Variants in ATM observed in about 807,000 individuals in gnomAD.
ATM encodes the protein ATM serine/threonine kinase.
Under a neutral mutation model 387.0 loss-of-function variants are expected in ATM, and 308 were observed. That is an observed-to-expected ratio of 0.80 (90% CI 0.73 to 0.87). The LOEUF is 0.87. ATM is among the 40% of genes least tolerant of loss of function. The pLI, the probability that ATM is intolerant of heterozygous loss-of-function variation, is 0.00. For synonymous variants in ATM, 1,156 were observed against 1,187.3 expected, an observed-to-expected ratio of 0.97 and a Z score of 0.54; for missense variants, 3,312 against 3,560.9, an observed-to-expected ratio of 0.93 and a Z score of 1.78.
chr11:108,273,331 C>CTTTTTTTTTTTTTTTTTTTTTTTTTTT lies in ATM; in HGVS notation c.3284+480_3284+506dup, dbSNP rs563140198. ...GGAATAAACATATATTAATTTCATT[C>CTTTTTTTTTTTTTTTTTTTTTTTTTTT]TTTTTTTTTTTTTTTTTTTTTTTTT... On this transcript the variant is annotated intron_variant, in intron 22 of 62. Coordinates refer to ENST00000675843, the MANE Select transcript of ATM (RefSeq NM_000051.4). 2.5e-5 allele frequency among the ~76,000 whole-genome samples: 2 copies of CTTTTTTTTTTTTTTTTTTTTTTTTTTT among 80,656 alleles called. 1 individual carries two copies. Among genetic ancestry groups the CTTTTTTTTTTTTTTTTTTTTTTTTTTT allele is most frequent in the African/African-American group, 1.1e-4 (2 of 17,488 alleles). 52.9% of individuals were successfully genotyped at this position (80,656 alleles called of 152,430 possible).
intron 40 of ATM, among the ~76,000 whole-genome samples, chr11:108,314,198 C>T (rs2084410591): frequency 6.6e-6 from 1 of 152,088 alleles, no homozygotes; most frequent in Admixed American, 6.6e-5. Flanking sequence ...ACACTGCAAG[C>T]TCTGCCTCCC....
At chr11:108,352,931 G>A (rs1175583831) in intron 59 of ATM, among the ~76,000 whole-genome samples, 2 of 152,152 alleles carry the variant, frequency 1.3e-5, no homozygotes, top group Non-Finnish European at 2.9e-5. Context: ...AGAGGGCTGG[G>A]TGATAGGCTA....
chr11:108,342,181 G>A (rs2087666159), intron 56 of ATM, among the ~76,000 whole-genome samples: 1 of 152,024 alleles, frequency 6.6e-6, no homozygotes, highest in Non-Finnish European at 1.5e-5. Flanking sequence ...TGTGGCCCAG[G>A]GAATCCAAAA....
intron 23 of ATM, among the ~76,000 whole-genome samples, chr11:108,279,834 A>C (rs547701327): frequency 1.9e-4 from 29 of 152,180 alleles, no homozygotes; most frequent in Non-Finnish European, 3.8e-4. Flanking sequence ...AGAAACCCAA[A>C]ATTTAACTGA....
At position 108,333,839 on chromosome 11, in the gene ATM, T is replaced by C. The variant is rs563359736; in HGVS notation, c.7928-47T>C. On this transcript the variant is annotated intron_variant, in intron 53 of 62. Coordinates refer to ENST00000675843, the MANE Select transcript of ATM (RefSeq NM_000051.4). ...CTGACTATTCCTGCTTGACCTTCAATGCTGTTCCTCAGTTTGTCACTAAAA... is the reference window on the plus strand; with the variant it reads ...CTGACTATTCCTGCTTGACCTTCAACGCTGTTCCTCAGTTTGTCACTAAAA... The C allele has an allele frequency of 1.0e-4, 144 of 1,433,794 alleles. No homozygotes were observed. In the South Asian group the frequency reaches 1.5e-3, roughly 15 times the overall value. 88.8% of individuals were successfully genotyped at this position (1,433,794 alleles called of 1,614,324 possible).
chr11:108,234,997 T>C (rs1209289861), intron 4 of ATM, among the ~76,000 whole-genome samples: 1 of 152,184 alleles, frequency 6.6e-6, no homozygotes, highest in Non-Finnish European at 1.5e-5. Context: ...CTTGGGATCA[T>C]TTTTGGTCTA....
chr11:108,236,098 G>A (rs1591476560), intron 5 of ATM: 1 of 464,770 alleles, frequency 2.2e-6, no homozygotes, highest in East Asian at 4.2e-5. Context: ...TCAAGGAGTT[G>A]ACAGTGGCAG....
chr11:108,227,004 A>G (rs1414860795), intron 1 of ATM: 1 of 152,012 alleles, frequency 6.6e-6, no homozygotes, highest in African/African-American at 2.4e-5. Flanking sequence ...AGAGTAATAA[A>G]AAGTAAATAT....
chr11:108,297,427 A>G (rs556871338), intron 33 of ATM, 45 bp downstream of exon 33: 40 of 1,429,502 alleles, frequency 2.8e-5, no homozygotes, highest in Non-Finnish European at 3.8e-5. Context: ...TCAACTGCGG[A>G]TCACATATAG....
intron 7 of ATM, 34 bp downstream of exon 7, chr11:108,245,060 T>G: frequency 6.6e-7 from 1 of 1,522,256 alleles, no homozygotes; most frequent in Non-Finnish European, 9.0e-7. Context: ...TTGAATTTGC[T>G]TCTTCATTCA....
intron 32 of ATM, chr11:108,295,524 CAG>C (rs1042185196): frequency 1.2e-5 from 2 of 168,112 alleles, no homozygotes; most frequent in East Asian, 1.7e-4. Flanking sequence ...TTTGTAGGGA[CAG>C]GGGTCCCACT....
chr11:108,324,727 T>C (rs1254152530), intron 45 of ATM, among the ~76,000 whole-genome samples: 2 of 152,224 alleles, frequency 1.3e-5, no homozygotes, highest in Admixed American at 1.3e-4. Context: ...TTGGGTAGTA[T>C]TTCATAGTTC....
intron 43 of ATM, 137 bp from the exon 44 acceptor site, chr11:108,319,817 C>T: frequency 1.5e-6 from 1 of 654,070 alleles, no homozygotes; most frequent in Non-Finnish European, 2.7e-6. Flanking sequence ...GTATTTCTTA[C>T]CAAAAATTCT....
rs182703796 is a variant in ATM, at chr11:108,298,934, C to T, written c.5006-780C>T. ...AGAATTAGAAAAGCAATTCCATTTA[C>T]GATAGCATCTAAAAGAAATAAATAG... On this transcript the variant is annotated intron_variant, in intron 33 of 62. Transcript: ENST00000675843. Among the ~76,000 whole-genome samples the T allele has an allele frequency of 2.0e-4, 30 of 152,162 alleles. No individual in the cohort carries two copies. The East Asian group carries it at 4.6e-3, about 23-fold the overall frequency.
Position 108,331,441 on chromosome 11 carries a change from TAGAG to T in ATM, c.7517_7520del (p.Arg2506ThrfsTer3), listed in dbSNP as rs587781905. 9 of 1,612,790 alleles carry T rather than the reference TAGAG, an allele frequency of 5.6e-6. No individual in the cohort carries two copies. The highest frequency in any genetic ancestry group is 2.2e-5 in the South Asian group (2 of 90,960). On this transcript the variant is annotated splice_acceptor_variant and coding_sequence_variant, in exon 51 of 63. Coordinates refer to ENST00000675843, the MANE Select transcript of ATM (RefSeq NM_000051.4). LOFTEE classifies it high-confidence loss of function. ...TAATTTTGTGTCTTTTTTTTAATGG[TAGAG>T]AGACGGAATGAAGATTCCAACATAT...
At chr11:108,338,816 G>C (rs1451184024) in intron 56 of ATM, among the ~76,000 whole-genome samples, 2 of 152,186 alleles carry the variant, frequency 1.3e-5, no homozygotes, top group Non-Finnish European at 2.9e-5. Context: ...ATTACTCCAA[G>C]AATGTGAAAG....
chr11:108,244,040 C>T lies in ATM; in HGVS notation c.584C>T (p.Thr195Ile), dbSNP rs1196611507. ...GTGGCTAGAATAATTCATGCTGTTA[C>T]CAAAGGATGCTGTTCTCAGACTGAC... ...VLVARIIHAV[T>I]KGCCSQTDGL... is the part of the protein sequence containing the mutation. Residue 195 changes from threonine to isoleucine, a missense_variant, in exon 6 of 63, where the codon ACC (threonine) becomes ATC (isoleucine). Transcript: ENST00000675843. The T allele has an allele frequency of 1.2e-6, 2 of 1,613,100 alleles. No homozygotes were observed. Among genetic ancestry groups the T allele is most frequent in the Non-Finnish European group, 1.7e-6 (2 of 1,179,746 alleles).
chr11:108,264,430 A>G (rs540617522), intron 16 of ATM, among the ~76,000 whole-genome samples: 8 of 152,356 alleles, frequency 5.3e-5, no homozygotes, highest in African/African-American at 1.7e-4. Flanking sequence ...AAAATTCAAC[A>G]ACCCTTCATG....
intron 61 of ATM, among the ~76,000 whole-genome samples, chr11:108,357,667 A>C (rs2090169240): frequency 6.6e-6 from 1 of 151,724 alleles, no homozygotes; most frequent in Non-Finnish European, 1.5e-5. Flanking sequence ...ACTGGGAGGC[A>C]CCCCCCAGCA....
Sources: gnomAD v4.1 joint callset for allele counts (sites outside exome capture counted in the v4.1 genomes callset) on GRCh38, gnomAD v4.1.1 for gene constraint, MANE v1.5 for transcripts, NCBI Gene and HGNC (gene_info 2026-07-23, HGNC 2026-07-21) for gene names.